MCTP1: variants seen among roughly 807,000 people sequenced by gnomAD.
The protein encoded by MCTP1 is multiple C2 and transmembrane domain-containing protein 1.
In MCTP1, 69 loss-of-function variants were observed where a neutral mutation model predicts 120.6. That is an observed-to-expected ratio of 0.57 (90% CI 0.47 to 0.70). The LOEUF is 0.70. Ranked by LOEUF, MCTP1 falls within the 30% of genes least tolerant of loss-of-function variation. The probability of loss-of-function intolerance (pLI) is 0.00; values close to 1 mark genes in which losing one functional copy is unlikely to be tolerated. For synonymous variants in MCTP1, 529 were observed against 493.1 expected (o/e 1.07, Z -0.96); for missense variants, 1,203 against 1,248.8 (o/e 0.96, Z 0.55).
chr5:95,110,242 CT>C (rs200782577), intron 1 of MCTP1, among the ~76,000 whole-genome samples: 26 of 151,880 alleles, frequency 1.7e-4, no homozygotes, highest in African/African-American at 5.8e-4. Context: ...CTTACCCACT[CT>C]TTTTTTTGTC....
At chr5:95,013,272 C>T (rs1836391460) in intron 2 of MCTP1, among the ~76,000 whole-genome samples, 1 of 152,122 alleles carries the variant, frequency 6.6e-6, no homozygotes, top group Non-Finnish European at 1.5e-5. Context: ...AAGAAGCCAT[C>T]TCTATGACAT....
At chr5:95,258,053 T>C (rs955590190) in intron 1 of MCTP1, among the ~76,000 whole-genome samples, 1 of 152,222 alleles carries the variant, frequency 6.6e-6, no homozygotes, top group Non-Finnish European at 1.5e-5. Context: ...ATGTAAATAC[T>C]CAACCTTCAA....
In MCTP1 at chr5:94,773,028, A is replaced by G. The variant is rs188436320; in HGVS notation, c.2610+6082T>C. On this transcript the variant is annotated intron_variant, in intron 19 of 22. Transcript: ENST00000515393. Reference sequence around the variant, plus strand: ...ATGTTGCTATGATTCTAGATGAAATAGATAGTATTTCTGCGGACTCAAAGT... The same window carrying G: ...ATGTTGCTATGATTCTAGATGAAATGGATAGTATTTCTGCGGACTCAAAGT... Among the ~76,000 whole-genome samples, 61 of 152,362 alleles carry G rather than the reference A, an allele frequency of 4.0e-4. 2 individuals carry two copies. The highest frequency in any genetic ancestry group is 1.4e-3 in the African/African-American group (59 of 41,592).
At chr5:95,180,203 G>A (rs1748452951) in intron 1 of MCTP1, among the ~76,000 whole-genome samples, 1 of 152,094 alleles carries the variant, frequency 6.6e-6, no homozygotes, top group Non-Finnish European at 1.5e-5. Flanking sequence ...CAATAGTGGG[G>A]GACTTGAATA....
intron 1 of MCTP1, among the ~76,000 whole-genome samples, chr5:95,089,573 A>C (rs1755691422): frequency 6.6e-6 from 1 of 152,188 alleles, no homozygotes; most frequent in African/African-American, 2.4e-5. Context: ...TTTTCTATTT[A>C]AATAGTGAGG....
intron 1 of MCTP1, among the ~76,000 whole-genome samples, chr5:95,047,421 C>T (rs1376278278): frequency 6.6e-6 from 1 of 152,044 alleles, no homozygotes; most frequent in Non-Finnish European, 1.5e-5. Flanking sequence ...GATTTTTGCT[C>T]CCTAAGCCCT....
At chr5:95,149,947 TG>T (rs1240118772) in intron 1 of MCTP1, among the ~76,000 whole-genome samples, 3 of 152,122 alleles carry the variant, frequency 2.0e-5, no homozygotes, top group African/African-American at 7.2e-5. Flanking sequence ...TGGTCCTGGG[TG>T]GGCAGCTGCC....
chr5:94,974,411 C>T (rs1156573373), intron 2 of MCTP1, among the ~76,000 whole-genome samples: 1 of 151,776 alleles, frequency 6.6e-6, no homozygotes, highest in East Asian at 1.9e-4. Context: ...ATTAGCTGGG[C>T]ATGGTGGTAT....
intron 5 of MCTP1, among the ~76,000 whole-genome samples, chr5:94,936,426 A>G (rs1363151237): frequency 1.3e-5 from 2 of 152,018 alleles, no homozygotes; most frequent in Non-Finnish European, 2.9e-5. Context: ...GTGAACTGAG[A>G]AGGAGTTTGT....
chr5:95,081,505 C>T (rs1754928538), intron 1 of MCTP1: 1 of 1,603,738 alleles, frequency 6.2e-7, no homozygotes, highest in African/African-American at 1.3e-5. Flanking sequence ...ATGAACAAAA[C>T]ATCTTTCACT....
intron 18 of MCTP1, among the ~76,000 whole-genome samples, chr5:94,781,591 G>C (rs190825522): frequency 6.6e-6 from 1 of 152,124 alleles, no homozygotes; most frequent in African/African-American, 2.4e-5. Flanking sequence ...AACCATTAAG[G>C]TTGGAGAATC....
At chr5:94,772,840 G>A (rs191906890) in intron 19 of MCTP1, among the ~76,000 whole-genome samples, 35 of 152,254 alleles carry the variant, frequency 2.3e-4, no homozygotes, top group East Asian at 1.4e-3. Flanking sequence ...ATAAGGAAGC[G>A]TAAGGATGCC....
chr5:95,146,808 T>C (rs1424445161), intron 1 of MCTP1, among the ~76,000 whole-genome samples: 1 of 152,190 alleles, frequency 6.6e-6, no homozygotes, highest in Non-Finnish European at 1.5e-5. Flanking sequence ...ATGTGGACTA[T>C]CTTAGAATAT....
intron 1 of MCTP1, among the ~76,000 whole-genome samples, chr5:95,085,653 A>G (rs1393189196): frequency 6.6e-6 from 1 of 152,094 alleles, no homozygotes; most frequent in African/African-American, 2.4e-5. Context: ...CTTCACCTTT[A>G]CTAGGTATTT....
At chr5:95,220,407 A>G (rs1022680884) in intron 1 of MCTP1, among the ~76,000 whole-genome samples, 3 of 151,916 alleles carry the variant, frequency 2.0e-5, no homozygotes, top group African/African-American at 7.3e-5. Context: ...TGACGGAATC[A>G]TAATCTAAAA....
At chr5:95,269,719 T>C (rs1212547070) in intron 1 of MCTP1, among the ~76,000 whole-genome samples, 2 of 152,214 alleles carry the variant, frequency 1.3e-5, no homozygotes, top group Non-Finnish European at 2.9e-5. Context: ...CTGGAAATTA[T>C]GGCCTTGGTA....
chr5:94,717,610 T>C (rs1298277195), intron 19 of MCTP1, among the ~76,000 whole-genome samples: 2 of 152,172 alleles, frequency 1.3e-5, no homozygotes, highest in Non-Finnish European at 2.9e-5. Flanking sequence ...CATGATCCTA[T>C]ATCTAGAAAA....
At chr5:95,130,383 G>A (rs992291429) in intron 1 of MCTP1, among the ~76,000 whole-genome samples, 2 of 152,184 alleles carry the variant, frequency 1.3e-5, no homozygotes, top group African/African-American at 4.8e-5. Flanking sequence ...ACTGACAAGA[G>A]ACATAAAATG....
At chr5:95,124,615 T>C (rs950439078) in intron 1 of MCTP1, among the ~76,000 whole-genome samples, 1 of 152,232 alleles carries the variant, frequency 6.6e-6, no homozygotes, top group African/African-American at 2.4e-5. Flanking sequence ...TTTCCATCAC[T>C]GGCATTTATG....
Sources: gnomAD v4.1 joint callset for allele counts (sites outside exome capture counted in the v4.1 genomes callset) on GRCh38, gnomAD v4.1.1 for gene constraint, MANE v1.5 for transcripts, NCBI Gene and HGNC (gene_info 2026-07-23, HGNC 2026-07-21) for gene names.